GPR139: variants seen among roughly 807,000 people sequenced by gnomAD.
GPR139 encodes the protein probable G protein-coupled receptor 139.
GPR139 carries 12 observed loss-of-function variants against 25.8 expected under a neutral mutation model. That is an observed-to-expected ratio of 0.47 (90% CI 0.30 to 0.75). GPR139 has a LOEUF of 0.75. Among genes scored for constraint, GPR139 ranks in the 30% least tolerant of loss-of-function variants. The pLI is 0.07. For missense variants in GPR139, 380 were observed against 450.2 expected (o/e 0.84, Z 1.41); for synonymous variants, 184 against 179.9 (o/e 1.02, Z -0.18).
chr16:20,037,866 T>C (rs1195170261), intron 1 of GPR139, among the ~76,000 whole-genome samples: 1 of 152,192 alleles, frequency 6.6e-6, no homozygotes, highest in Non-Finnish European at 1.5e-5. Context: ...AACCTCTTTT[T>C]TCCTTTTTGA....
chr16:20,049,025 G>A (rs972217603), intron 1 of GPR139, among the ~76,000 whole-genome samples: 6 of 152,192 alleles, frequency 3.9e-5, no homozygotes, highest in Non-Finnish European at 7.3e-5. Context: ...AATGCATTGA[G>A]TTAAGCACCT....
intron 1 of GPR139, among the ~76,000 whole-genome samples, chr16:20,055,816 A>G (rs1235526419): frequency 6.6e-6 from 1 of 152,274 alleles, no homozygotes; most frequent in Non-Finnish European, 1.5e-5. Flanking sequence ...CATAGGCTCT[A>G]GCACCTGCTG....
At chr16:20,070,214 G>A (rs181926106) in intron 1 of GPR139, among the ~76,000 whole-genome samples, 1 of 152,328 alleles carries the variant, frequency 6.6e-6, no homozygotes, top group East Asian at 1.9e-4. Flanking sequence ...TGTAAAATGA[G>A]TTCAAAGACA....
chr16:20,068,125 T>G (rs1181838990), intron 1 of GPR139, among the ~76,000 whole-genome samples: 1 of 150,240 alleles, frequency 6.7e-6, no homozygotes, highest in Non-Finnish European at 1.5e-5. Flanking sequence ...TCTGTGATGG[T>G]GGGTTTGAGA....
intron 1 of GPR139, among the ~76,000 whole-genome samples, chr16:20,035,764 T>C (rs1216549893): frequency 6.6e-6 from 1 of 152,144 alleles, no homozygotes; most frequent in Non-Finnish European, 1.5e-5. Flanking sequence ...CATGTGCAAA[T>C]GTTCTGAGGG....
intron 1 of GPR139, among the ~76,000 whole-genome samples, chr16:20,035,696 G>A (rs2057307517): frequency 6.6e-6 from 1 of 152,198 alleles, no homozygotes; most frequent in Non-Finnish European, 1.5e-5. Context: ...GGAAGACCAG[G>A]AAGAGGTTAA....
In GPR139 at chr16:20,073,848, G is replaced by T; in HGVS notation, c.-232C>A. The T allele has an allele frequency of 2.0e-6, 1 of 494,178 alleles. No individual in the cohort carries two copies. The highest frequency in any genetic ancestry group is 2.1e-5 in the African/African-American group (1 of 48,748). The allele number at this position is 494,178 out of a possible 1,614,324, so 30.6% of individuals were successfully genotyped here. A position where few individuals can be genotyped will look rare whatever the true frequency, so the allele number is the denominator to read the frequency against. On this transcript the variant is annotated 5_prime_UTR_variant, in exon 1 of 2. Coordinates refer to ENST00000570682, the MANE Select transcript of GPR139 (RefSeq NM_001002911.4). The surrounding 1 kb of genome is among the most constrained non-coding windows in gnomAD (Gnocchi z 4.7). ...GGGCGCGGGGCGCAGGGTGCGGGGC[G>T]CGCTGCGCGGGGCCTCGGGAGGGGC...
At chr16:20,062,253 GT>G (rs1370995024) in intron 1 of GPR139, among the ~76,000 whole-genome samples, 1 of 152,140 alleles carries the variant, frequency 6.6e-6, no homozygotes, top group African/African-American at 2.4e-5. Context: ...AGGAAATGGG[GT>G]TTTTGGGAAT....
intron 1 of GPR139, among the ~76,000 whole-genome samples, chr16:20,041,238 GAGGAGAGGAGAGGGAAGGAGAAA>G (rs2057333220): frequency 3.2e-4 from 2 of 6,168 alleles, no homozygotes; most frequent in African/African-American, 6.3e-4. Flanking sequence ...GAGGAGAGGA[GAGGAGAGGAGAGGGAAGGAGAAA>G]AGAAAAGCAT....
intron 1 of GPR139, among the ~76,000 whole-genome samples, chr16:20,056,887 A>G (rs1051119557): frequency 1.3e-5 from 2 of 152,200 alleles, no homozygotes; most frequent in African/African-American, 4.8e-5. Flanking sequence ...AGGGAACTCA[A>G]TTTCCATTTT....
chr16:20,044,193 G>A (rs532892594), intron 1 of GPR139, among the ~76,000 whole-genome samples: 1 of 152,280 alleles, frequency 6.6e-6, no homozygotes, highest in South Asian at 2.1e-4. Context: ...ACCAGGCAAA[G>A]GCTCAATGAG....
At chr16:20,053,527 G>T (rs2057379201) in intron 1 of GPR139, among the ~76,000 whole-genome samples, 1 of 152,204 alleles carries the variant, frequency 6.6e-6, no homozygotes. Flanking sequence ...AGGCTTGGCT[G>T]GCGTGTGGAC....
Position 20,031,519 on chromosome 16 carries a change from C to A in GPR139, c.*216G>T, listed in dbSNP as rs763829665. 3.5e-6 allele frequency: 2 copies of A among 569,392 alleles called. No homozygotes were observed. Among genetic ancestry groups the A allele is most frequent in the Non-Finnish European group, 6.3e-6 (2 of 319,892 alleles). 35.3% of individuals were successfully genotyped at this position (569,392 alleles called of 1,614,324 possible). ...CTGGTAGGAGCTTTTGCTGTCATTA[C>A]GACTCTGTGGAAATAAATGCATAAG... On this transcript the variant is annotated 3_prime_UTR_variant, in exon 2 of 2. Coordinates refer to ENST00000570682, the MANE Select transcript of GPR139 (RefSeq NM_001002911.4).
intron 1 of GPR139, among the ~76,000 whole-genome samples, chr16:20,043,699 T>C (rs1355826715): frequency 6.6e-6 from 1 of 152,196 alleles, no homozygotes; most frequent in African/African-American, 2.4e-5. Context: ...TAAGATGAAG[T>C]ACCTTGAAAG....
Position 20,057,534 on chromosome 16 carries a change from GTCCA to G in GPR139, c.127+15952_127+15955del, listed in dbSNP as rs1272350708. 1.0e-4 allele frequency among the ~76,000 whole-genome samples: 15 copies of G among 147,830 alleles called. No homozygotes were observed. In the East Asian group the frequency reaches 2.7e-3, roughly 27 times the overall value. On this transcript the variant is annotated intron_variant, in intron 1 of 1. Transcript: ENST00000570682. ...CATCCATCCATCCATCCATCCATCC[GTCCA>G]TCCATCCATCCCTTCCTCCCTCCCT...
At chr16:20,038,855 C>T (rs891105223) in intron 1 of GPR139, among the ~76,000 whole-genome samples, 1 of 152,094 alleles carries the variant, frequency 6.6e-6, no homozygotes, top group Non-Finnish European at 1.5e-5. Context: ...CACATTTTCC[C>T]CAAAGGGAAA....
chr16:20,047,406 C>T (rs2057358062), intron 1 of GPR139, among the ~76,000 whole-genome samples: 1 of 152,200 alleles, frequency 6.6e-6, no homozygotes, highest in South Asian at 2.1e-4. Context: ...GTGCCCAGCC[C>T]TTAGGGATCA....
At chr16:20,035,153 G>A (rs1056857960) in intron 1 of GPR139, among the ~76,000 whole-genome samples, 6 of 151,456 alleles carry the variant, frequency 4.0e-5, no homozygotes, top group Admixed American at 3.3e-4. Flanking sequence ...AGTATTACCA[G>A]TTTTTTTTTA....
intron 1 of GPR139, among the ~76,000 whole-genome samples, chr16:20,045,219 C>T (rs531556495): frequency 3.2e-4 from 49 of 152,166 alleles, no homozygotes; most frequent in African/African-American, 9.4e-4. Flanking sequence ...AGGCTGCTCT[C>T]GAACTCCTGA....
Sources: allele counts gnomAD v4.1 joint callset (sites outside exome capture counted in the v4.1 genomes callset), GRCh38; gene constraint gnomAD v4.1.1; non-coding constraint Gnocchi (gnomAD v3.1); transcripts MANE v1.5; gene names NCBI Gene and HGNC (gene_info 2026-07-23, HGNC 2026-07-21).